ADRA1A: variants seen among roughly 807,000 people sequenced by gnomAD.
The protein encoded by ADRA1A is alpha-1A adrenergic receptor.
Under a neutral mutation model 29.6 loss-of-function variants are expected in ADRA1A, and 31 were observed. That is an observed-to-expected ratio of 1.05 (90% CI 0.79 to 1.41). The LOEUF (loss-of-function observed/expected upper bound fraction) is 1.41. ADRA1A is among the 40% of genes most tolerant of loss of function. ADRA1A has a pLI of 0.00. For synonymous variants in ADRA1A, 311 were observed against 254.3 expected (o/e 1.22, Z -2.12); for missense variants, 619 against 601.1 (o/e 1.03, Z -0.31).
intron 2 of ADRA1A, among the ~76,000 whole-genome samples, chr8:26,844,167 C>T (rs1438778997): frequency 6.6e-6 from 1 of 152,114 alleles, no homozygotes; most frequent in Non-Finnish European, 1.5e-5. Context: ...CAGCACCCTA[C>T]AATCAAACAC....
At chr8:26,793,419 C>T (rs1310600800) in intron 2 of ADRA1A, among the ~76,000 whole-genome samples, 1 of 151,670 alleles carries the variant, frequency 6.6e-6, no homozygotes, top group Non-Finnish European at 1.5e-5. Context: ...AAGAAAGACA[C>T]AAATAGCTTA....
chr8:26,833,085 T>A (rs1811107132), intron 2 of ADRA1A, among the ~76,000 whole-genome samples: 2 of 152,134 alleles, frequency 1.3e-5, no homozygotes, highest in Admixed American at 1.3e-4. Context: ...TACGTGTGTG[T>A]GGAAATCGAT....
chr8:26,767,041 T>A (rs561702480), downstream of ADRA1A, among the ~76,000 whole-genome samples: 1 of 152,292 alleles, frequency 6.6e-6, no homozygotes, highest in South Asian at 2.1e-4. Flanking sequence ...TCTGAAATCC[T>A]TGACATAATC....
chr8:26,794,356 T>C (rs1308783345), intron 2 of ADRA1A, among the ~76,000 whole-genome samples: 1 of 152,104 alleles, frequency 6.6e-6, no homozygotes, highest in Non-Finnish European at 1.5e-5. Flanking sequence ...CTGCTATCTC[T>C]GGTAATAGAT....
At chr8:26,758,193 A>G (rs1197502672) in intron 2 of ADRA1A, among the ~76,000 whole-genome samples, 6 of 152,208 alleles carry the variant, frequency 3.9e-5, no homozygotes, top group African/African-American at 1.2e-4. Context: ...GAATGTAGGA[A>G]TGACAGGACC....
downstream of ADRA1A, chr8:26,766,206 T>C: frequency 8.7e-7 from 1 of 1,153,690 alleles, no homozygotes; most frequent in Admixed American, 1.7e-5. Flanking sequence ...TTATGTCGTA[T>C]TTGCTTTCAT....
intron 2 of ADRA1A, among the ~76,000 whole-genome samples, chr8:26,839,388 G>C (rs913477747): frequency 6.6e-6 from 1 of 152,086 alleles, no homozygotes; most frequent in Non-Finnish European, 1.5e-5. Context: ...TCGATCTCCT[G>C]ACCTTGTGAT....
At chr8:26,781,876 C>T (rs1807008393) in intron 2 of ADRA1A, among the ~76,000 whole-genome samples, 1 of 152,194 alleles carries the variant, frequency 6.6e-6, no homozygotes, top group African/African-American at 2.4e-5. Flanking sequence ...AAGGCTAAAG[C>T]AGGTTTAGGT....
At chr8:26,824,964 C>T (rs1363881606) in intron 2 of ADRA1A, among the ~76,000 whole-genome samples, 1 of 152,186 alleles carries the variant, frequency 6.6e-6, no homozygotes, top group Non-Finnish European at 1.5e-5. Flanking sequence ...GCTTCCTTCT[C>T]TGATTGAACA....
chr8:26,857,031 T>A (rs1661539612), intron 2 of ADRA1A, among the ~76,000 whole-genome samples: 2 of 152,170 alleles, frequency 1.3e-5, no homozygotes, highest in Admixed American at 6.5e-5. Flanking sequence ...AAGAGATGAG[T>A]CTGTCTCGCT....
At position 26,831,028 on chromosome 8, in the gene ADRA1A, G is replaced by A. The variant is rs1182155587; in HGVS notation, c.883+33059C>T. ...GATGCACTGTTACTTCCTGGACTTT[G>A]GGGGACTGAGGTCTTTTATAGTTAA... On this transcript the variant is annotated intron_variant, in intron 2 of 2. Transcript: ENST00000380573. The surrounding 1 kb of genome is among the most constrained non-coding windows in gnomAD (Gnocchi z 5.2). 6.6e-6 allele frequency among the ~76,000 whole-genome samples: 1 copy of A among 152,110 alleles called. No individual in the cohort carries two copies. Among genetic ancestry groups the A allele is most frequent in the Non-Finnish European group, 1.5e-5 (1 of 68,026 alleles).
Position 26,828,606 on chromosome 8 carries a change from T to C in ADRA1A, c.883+35481A>G, listed in dbSNP as rs868060275. ...GGCACAGGTCTGTGATGCCGAGGAC[T>C]GATTTTGTTTCTGTTAATTTTATTT... is the stretch of plus-strand genomic sequence containing the variant. On this transcript the variant is annotated intron_variant, in intron 2 of 2. Coordinates refer to ENST00000380573, the MANE Select transcript of ADRA1A (RefSeq NM_000680.4). 2.6e-5 allele frequency among the ~76,000 whole-genome samples: 4 copies of C among 152,376 alleles called. No homozygotes were observed. In the East Asian group the frequency reaches 5.8e-4, roughly 22 times the overall value.
intron 2 of ADRA1A, among the ~76,000 whole-genome samples, chr8:26,757,920 T>A (rs1368582553): frequency 6.6e-6 from 1 of 152,156 alleles, no homozygotes; most frequent in Non-Finnish European, 1.5e-5. Flanking sequence ...GTAGCATCTT[T>A]CATAGGACAA....
At chr8:26,861,778 T>C (rs1813487442) in intron 2 of ADRA1A, among the ~76,000 whole-genome samples, 2 of 152,110 alleles carry the variant, frequency 1.3e-5, no homozygotes, top group Non-Finnish European at 2.9e-5. Flanking sequence ...AACCTACCTA[T>C]TTCTCACACC....
intron 2 of ADRA1A, among the ~76,000 whole-genome samples, chr8:26,800,258 CA>C (rs1163388941): frequency 2.7e-5 from 4 of 146,680 alleles, no homozygotes; most frequent in South Asian, 2.1e-4. Flanking sequence ...GACTCGGTCT[CA>C]AAAAAAAAGA....
chr8:26,828,749 C>G (rs1042528684), intron 2 of ADRA1A, among the ~76,000 whole-genome samples: 1 of 152,086 alleles, frequency 6.6e-6, no homozygotes, highest in Admixed American at 6.6e-5. Context: ...TCAATTATTT[C>G]AAGCCTTTGT....
chr8:26,833,232 T>G (rs1811114916), intron 2 of ADRA1A, among the ~76,000 whole-genome samples: 1 of 152,092 alleles, frequency 6.6e-6, no homozygotes, highest in African/African-American at 2.4e-5. Flanking sequence ...CCTGGGCAGT[T>G]ACAGCAGTGA....
intron 2 of ADRA1A, among the ~76,000 whole-genome samples, chr8:26,853,248 CA>C (rs1812766507): frequency 6.6e-6 from 1 of 152,090 alleles, no homozygotes; most frequent in African/African-American, 2.4e-5. Flanking sequence ...TCATATCTGT[CA>C]AAATATCAAA....
chr8:26,782,402 C>G (rs1807062016), intron 2 of ADRA1A, among the ~76,000 whole-genome samples: 1 of 152,162 alleles, frequency 6.6e-6, no homozygotes, highest in Non-Finnish European at 1.5e-5. Flanking sequence ...TATAGCTGGG[C>G]AGACCAAATT....
Sources: gnomAD v4.1 joint callset for allele counts (sites outside exome capture counted in the v4.1 genomes callset) on GRCh38, gnomAD v4.1.1 for gene constraint, Gnocchi (gnomAD v3.1) non-coding constraint, MANE v1.5 for transcripts, NCBI Gene and HGNC (gene_info 2026-07-23, HGNC 2026-07-21) for gene names.